The following MYO6 variants were observed in gnomAD, a reference collection of about 807,000 sequenced individuals.
MYO6 encodes the protein unconventional myosin-VI.
Under a neutral mutation model 178.7 loss-of-function variants are expected in MYO6, and 74 were observed. The observed-to-expected ratio is 0.41, with a 90% CI of 0.34 to 0.50. The LOEUF (loss-of-function observed/expected upper bound fraction) is 0.50, where lower values mean the gene tolerates loss of function less well. Among genes scored for constraint, MYO6 ranks in the 20% least tolerant of loss-of-function variants. The pLI, the probability that MYO6 is intolerant of heterozygous loss-of-function variation, is 0.09. For missense variants in MYO6, 1,330 were observed against 1,547.4 expected, an observed-to-expected ratio of 0.86 and a Z score of 2.36; for synonymous variants, 477 against 504.6, an observed-to-expected ratio of 0.95 and a Z score of 0.73.
chr6:75,788,204 A>G (rs1767869365), intron 1 of MYO6, among the ~76,000 whole-genome samples: 1 of 151,880 alleles, frequency 6.6e-6, no homozygotes, highest in South Asian at 2.1e-4. Flanking sequence ...ATGGTGAAAA[A>G]ACACAAAAGA....
intron 22 of MYO6, 76 bp downstream of exon 22, chr6:75,880,196 T>C: frequency 9.4e-7 from 1 of 1,061,634 alleles, no homozygotes; most frequent in South Asian, 1.4e-5. Context: ...TCTTAAAGTA[T>C]TTAATAATTT....
At chr6:75,753,465 A>G (rs892581581) in intron 1 of MYO6, among the ~76,000 whole-genome samples, 17 of 149,476 alleles carry the variant, frequency 1.1e-4, no homozygotes, top group African/African-American at 4.0e-4. Flanking sequence ...GTATATATAT[A>G]TATATATATA....
intron 1 of MYO6, among the ~76,000 whole-genome samples, chr6:75,790,032 T>G (rs1768068436): frequency 6.6e-6 from 1 of 152,214 alleles, no homozygotes; most frequent in Non-Finnish European, 1.5e-5. Context: ...TATATTATCT[T>G]CTAGGTCCAT....
At chr6:75,780,514 A>C (rs1180025818) in intron 1 of MYO6, among the ~76,000 whole-genome samples, 1 of 152,214 alleles carries the variant, frequency 6.6e-6, no homozygotes, top group African/African-American at 2.4e-5. Flanking sequence ...TTTGTTCTTT[A>C]TAGAGACAAC....
At chr6:75,864,372 C>T (rs796669160) in intron 16 of MYO6, among the ~76,000 whole-genome samples, 1 of 152,174 alleles carries the variant, frequency 6.6e-6, no homozygotes, top group South Asian at 2.1e-4. Context: ...TCACATCCAC[C>T]TGCTCCATTG....
At chr6:75,794,818 A>G (rs1185793882) in intron 1 of MYO6, among the ~76,000 whole-genome samples, 2 of 152,196 alleles carry the variant, frequency 1.3e-5, no homozygotes, top group Non-Finnish European at 2.9e-5. Flanking sequence ...GTCTTTGTGA[A>G]TCACTGTTAA....
intron 34 of MYO6, 138 bp from the exon 35 acceptor site, chr6:75,914,675 A>T: frequency 1.2e-6 from 1 of 826,912 alleles, no homozygotes; most frequent in Non-Finnish European, 1.9e-6. Context: ...TGATTTTATT[A>T]AGCAGATTTC....
intron 16 of MYO6, among the ~76,000 whole-genome samples, chr6:75,865,995 G>C (rs998798684): frequency 1.3e-5 from 2 of 152,174 alleles, no homozygotes; most frequent in Non-Finnish European, 2.9e-5. Context: ...CTGATGATTG[G>C]ATTTTCATGC....
At chr6:75,880,256 C>T (rs778173536) in intron 22 of MYO6, 136 bp downstream of exon 22, 6 of 705,486 alleles carry the variant, frequency 8.5e-6, no homozygotes, top group Admixed American at 5.9e-5. Flanking sequence ...TGCTATTTTC[C>T]ATACCATTTC....
At chr6:75,820,730 T>C (rs1305182846) in intron 2 of MYO6, among the ~76,000 whole-genome samples, 1 of 152,132 alleles carries the variant, frequency 6.6e-6, no homozygotes, top group Non-Finnish European at 1.5e-5. Context: ...CTGATTGAGG[T>C]CACCTTGTTT....
chr6:75,806,636 C>T (rs1490628457), intron 1 of MYO6, among the ~76,000 whole-genome samples: 1 of 152,206 alleles, frequency 6.6e-6, no homozygotes, highest in Non-Finnish European at 1.5e-5. Context: ...CAAGGAACAC[C>T]TGGCCCGCCC....
At chr6:75,848,235 C>T (rs1774917103) in intron 10 of MYO6, 116 bp from the exon 11 acceptor site, 1 of 920,920 alleles carries the variant, frequency 1.1e-6, no homozygotes, top group Non-Finnish European at 1.8e-6. Flanking sequence ...AAAGATTTTC[C>T]CATTGACAGA....
At chr6:75,834,680 C>T (rs1056074849) in intron 6 of MYO6, among the ~76,000 whole-genome samples, 1 of 152,148 alleles carries the variant, frequency 6.6e-6, no homozygotes, top group East Asian at 1.9e-4. Flanking sequence ...GTGTTACTCC[C>T]ACAGAATTAT....
At chr6:75,754,258 C>A (rs939113174) in intron 1 of MYO6, among the ~76,000 whole-genome samples, 1 of 152,134 alleles carries the variant, frequency 6.6e-6, no homozygotes, top group Non-Finnish European at 1.5e-5. Context: ...TGGTGGCTCA[C>A]ACCTGTAATC....
chr6:75,910,102 G>A (rs1780651507), intron 32 of MYO6, among the ~76,000 whole-genome samples: 1 of 152,120 alleles, frequency 6.6e-6, no homozygotes, highest in Admixed American at 6.6e-5. Flanking sequence ...TTGTGACACT[G>A]CTCTCTTCTC....
chr6:75,782,161 T>A (rs747071538), intron 1 of MYO6, among the ~76,000 whole-genome samples: 14 of 152,154 alleles, frequency 9.2e-5, no homozygotes, highest in Non-Finnish European at 1.5e-4. Context: ...CATATTTTCC[T>A]TTGCATTTTG....
chr6:75,852,681 C>T lies in MYO6; in HGVS notation c.1079-2458C>T, dbSNP rs1482106842. ...CATGTTATAGCATTTAGCAGTACTT[C>T]ATTTTATTTTTATTGCCGAATAATA... is the stretch of plus-strand genomic sequence containing the variant. On this transcript the variant is annotated intron_variant, in intron 11 of 34. Transcript: ENST00000369977. 2.0e-5 allele frequency among the ~76,000 whole-genome samples: 3 copies of T among 152,158 alleles called. No homozygotes were observed. In the East Asian group the frequency reaches 5.8e-4, roughly 29 times the overall value.
In MYO6 at chr6:75,881,825, G is replaced by A; in HGVS notation, c.2416+7G>A. On this transcript the variant is annotated splice_region_variant and intron_variant, in intron 23 of 34. Transcript: ENST00000369977. ...TCACTCTCAGTCATCAAATGTAGGTGTTTTCCTTTACACCTATAGGATCTT... is the reference window on the plus strand; with the variant it reads ...TCACTCTCAGTCATCAAATGTAGGTATTTTCCTTTACACCTATAGGATCTT... 1 of 1,613,230 alleles carries A rather than the reference G, an allele frequency of 6.2e-7. No homozygotes were observed. Among genetic ancestry groups the A allele is most frequent in the Non-Finnish European group, 8.5e-7 (1 of 1,179,394 alleles).
intron 11 of MYO6, 25 bp downstream of exon 11, chr6:75,848,556 G>GA: frequency 6.3e-7 from 1 of 1,599,410 alleles, no homozygotes; most frequent in Non-Finnish European, 8.5e-7. Flanking sequence ...TTTTTAAGAG[G>GA]AAAAAAATTA....
Sources: allele counts gnomAD v4.1 joint callset (sites outside exome capture counted in the v4.1 genomes callset), GRCh38; gene constraint gnomAD v4.1.1; transcripts MANE v1.5; gene names NCBI Gene and HGNC (gene_info 2026-07-23, HGNC 2026-07-21).